NSG2: variants seen among roughly 807,000 people sequenced by gnomAD.
NSG2 encodes neuronal vesicle trafficking associated 2.
Under a neutral mutation model 16.9 loss-of-function variants are expected in NSG2, and 4 were observed. The ratio of observed to expected loss-of-function variants is 0.24; its 90% confidence interval spans 0.12 to 0.54. The LOEUF (loss-of-function observed/expected upper bound fraction) is 0.54, where lower values mean the gene tolerates loss of function less well. Among genes scored for constraint, NSG2 ranks in the 20% least tolerant of loss-of-function variants. The pLI, the probability that NSG2 is intolerant of heterozygous loss-of-function variation, is 0.95. For missense variants in NSG2, 179 were observed against 221.1 expected (o/e 0.81, Z 1.21); for synonymous variants, 98 against 88.7 (o/e 1.11, Z -0.59).
chr5:174,062,650 G>A (rs972802499), intron 2 of NSG2: 2 of 152,194 alleles, frequency 1.3e-5, no homozygotes, highest in Non-Finnish European at 2.9e-5. Context: ...CTAGAGGTAA[G>A]AGAGGGTGGG....
chr5:174,055,357 G>A (rs1759951961), intron 2 of NSG2, among the ~76,000 whole-genome samples: 2 of 152,208 alleles, frequency 1.3e-5, no homozygotes, highest in Non-Finnish European at 2.9e-5. Flanking sequence ...ACTTTGGGAA[G>A]CCGAGGTGGG....
At chr5:174,061,501 C>A (rs1425766218) in intron 2 of NSG2, among the ~76,000 whole-genome samples, 2 of 152,246 alleles carry the variant, frequency 1.3e-5, no homozygotes, top group Non-Finnish European at 2.9e-5. Context: ...TTGTAGATCA[C>A]ATGCTATTTC....
At chr5:174,060,108 A>G (rs1438180986) in intron 2 of NSG2, among the ~76,000 whole-genome samples, 1 of 152,234 alleles carries the variant, frequency 6.6e-6, no homozygotes, top group African/African-American at 2.4e-5. Context: ...TGGTTGAAGA[A>G]GGAGATGGAT....
rs75455233 is a variant in NSG2 at position 174,097,581 on chromosome 5, CTGTG to C, written c.214-6639_214-6636del. On this transcript the variant is annotated intron_variant, in intron 3 of 4. Transcript: ENST00000303177. Reference sequence around the variant, plus strand: ...TCTGTGTGTGTAACTGTGTGTGTGTCTGTGTGTGTGTAACTGTGTGTGTGTCTGT... The same window carrying C: ...TCTGTGTGTGTAACTGTGTGTGTGTCTGTGTGTAACTGTGTGTGTGTCTGT... 4.9e-5 allele frequency among the ~76,000 whole-genome samples: 7 copies of C among 141,512 alleles called. No individual in the cohort carries two copies. The East Asian group carries it at 1.3e-3, about 26-fold the overall frequency. The allele number at this position is 141,512 out of a possible 152,430, so 92.8% of individuals were successfully genotyped here. A position where few individuals can be genotyped will look rare whatever the true frequency, so the allele number is the denominator to read the frequency against.
At chr5:174,099,878 G>C (rs1196312344) in intron 3 of NSG2, among the ~76,000 whole-genome samples, 1 of 152,106 alleles carries the variant, frequency 6.6e-6, no homozygotes, top group African/African-American at 2.4e-5. Context: ...CTCAGTCATG[G>C]TGTCACCTCT....
Position 174,107,286 on chromosome 5 carries a change from C to A in NSG2, c.325-28C>A. 6.6e-7 allele frequency: 1 copy of A among 1,526,614 alleles called. No individual in the cohort carries two copies. The allele number at this position is 1,526,614 out of a possible 1,614,324, so 94.6% of individuals were successfully genotyped here. On this transcript the variant is annotated intron_variant, in intron 4 of 4. Transcript: ENST00000303177. The surrounding 1 kb of genome is among the most constrained non-coding windows in gnomAD (Gnocchi z 4.5). ...AGGTTGGGAGCAGTTTGCTGAATGA[C>A]CCCTGACTCTGTCTCTTTCTTCCCC... is the stretch of plus-strand genomic sequence containing the variant.
intron 3 of NSG2, among the ~76,000 whole-genome samples, chr5:174,070,032 C>T (rs1277560653): frequency 2.6e-5 from 4 of 151,996 alleles, no homozygotes; most frequent in Non-Finnish European, 4.4e-5. Context: ...CACAAGCCAC[C>T]ATGCTCGGCT....
chr5:174,089,492 C>G (rs1484921095), intron 3 of NSG2, among the ~76,000 whole-genome samples: 1 of 152,058 alleles, frequency 6.6e-6, no homozygotes, highest in Non-Finnish European at 1.5e-5. Flanking sequence ...AGAGGAAGAG[C>G]GTCTTACTCT....
At chr5:174,084,836 G>A (rs531110441) in intron 3 of NSG2, among the ~76,000 whole-genome samples, 3 of 152,324 alleles carry the variant, frequency 2.0e-5, no homozygotes, top group Admixed American at 1.3e-4. Context: ...TAGGTTCCAG[G>A]CTCTTGCTCT....
At chr5:174,047,016 G>GTAGT (rs1759812069) in intron 2 of NSG2, 132 bp downstream of exon 2, 1 of 891,820 alleles carries the variant, frequency 1.1e-6, no homozygotes, top group African/African-American at 1.7e-5. Flanking sequence ...CTTGTAAAAT[G>GTAGT]TAGTTATTCC....
At chr5:174,055,245 G>C (rs890329094) in intron 2 of NSG2, among the ~76,000 whole-genome samples, 1 of 152,120 alleles carries the variant, frequency 6.6e-6, no homozygotes, top group African/African-American at 2.4e-5. Flanking sequence ...GAAGTCCCCC[G>C]TAGAGGATCC....
At chr5:174,102,750 TTTTTTTTATTTATTTA>T (rs1174501403) in intron 3 of NSG2, among the ~76,000 whole-genome samples, 1,443 of 91,244 alleles carry the variant, frequency 0.016, 30 homozygotes, top group African/African-American at 0.076. Flanking sequence ...CCATGCTTTG[TTTTTTTTATTTATTTA>T]TTTATTTATT....
intron 3 of NSG2, among the ~76,000 whole-genome samples, chr5:174,071,646 C>A (rs1455546034): frequency 6.6e-6 from 1 of 152,248 alleles, no homozygotes; most frequent in Non-Finnish European, 1.5e-5. Context: ...ACTCTTTGGG[C>A]TCCTGCCTGT....
chr5:174,049,172 T>C (rs1230516332), intron 2 of NSG2, among the ~76,000 whole-genome samples: 1 of 152,128 alleles, frequency 6.6e-6, no homozygotes, highest in African/African-American at 2.4e-5. Flanking sequence ...ACCGCGTCTC[T>C]ACTAAAAATA....
chr5:174,064,365 A>G (rs914824040), intron 3 of NSG2, 50 bp downstream of exon 3: 2 of 1,326,148 alleles, frequency 1.5e-6, no homozygotes, highest in Admixed American at 3.6e-5. Context: ...GGCTGGCTCC[A>G]GCCAGCTCAG....
intron 2 of NSG2, 51 bp from the exon 3 acceptor site, chr5:174,064,181 G>A (rs1760102794): frequency 7.7e-7 from 1 of 1,299,936 alleles, no homozygotes; most frequent in Admixed American, 2.2e-5. Flanking sequence ...AAAAAGAAAG[G>A]AAAATGTTTC....
intron 3 of NSG2, among the ~76,000 whole-genome samples, chr5:174,070,488 T>A (rs1424876067): frequency 6.6e-6 from 1 of 152,176 alleles, no homozygotes; most frequent in Admixed American, 6.5e-5. Context: ...AGCTGTGACC[T>A]TCCTGCCTTC....
chr5:174,052,518 G>T (rs1315725781), intron 2 of NSG2, among the ~76,000 whole-genome samples: 1 of 152,150 alleles, frequency 6.6e-6, no homozygotes, highest in Non-Finnish European at 1.5e-5. Flanking sequence ...TTCTCTACTT[G>T]GTAGCTGAGG....
At position 174,066,806 on chromosome 5, in the gene NSG2, C is replaced by T. The variant is rs1001119067; in HGVS notation, c.213+2491C>T. Among the ~76,000 whole-genome samples, 7 of 151,564 alleles carry T rather than the reference C, an allele frequency of 4.6e-5. No homozygotes were observed. The South Asian group carries it at 1.0e-3, about 23-fold the overall frequency. On this transcript the variant is annotated intron_variant, in intron 3 of 4. Coordinates refer to ENST00000303177, the MANE Select transcript of NSG2 (RefSeq NM_015980.5). ...GAGATCGAGACCGTCCCGGCTAAAACGGTGAAACCCCGTCTCTACTAAAAA... is the reference window on the plus strand; with the variant it reads ...GAGATCGAGACCGTCCCGGCTAAAATGGTGAAACCCCGTCTCTACTAAAAA...
Sources: gnomAD v4.1 joint callset for allele counts (sites outside exome capture counted in the v4.1 genomes callset) on GRCh38, gnomAD v4.1.1 for gene constraint, Gnocchi (gnomAD v3.1) non-coding constraint, MANE v1.5 for transcripts, NCBI Gene and HGNC (gene_info 2026-07-23, HGNC 2026-07-21) for gene names.